Variants in ASTN2 observed in about 807,000 individuals in gnomAD.
ASTN2 encodes astrotactin-2.
In ASTN2, 54 loss-of-function variants were observed where a neutral mutation model predicts 139.8. The observed-to-expected ratio is 0.39, with a 90% CI of 0.31 to 0.48. The LOEUF (loss-of-function observed/expected upper bound fraction) is 0.48, where lower values mean the gene tolerates loss of function less well. Ranked by LOEUF, ASTN2 falls within the 20% of genes least tolerant of loss-of-function variation. The probability of loss-of-function intolerance (pLI) is 0.95; values close to 1 mark genes in which losing one functional copy is unlikely to be tolerated. For missense variants in ASTN2, 1,565 were observed against 1,725.1 expected (o/e 0.91, Z 1.64); for synonymous variants, 756 against 719.5 (o/e 1.05, Z -0.81).
intron 13 of ASTN2, among the ~76,000 whole-genome samples, chr9:116,791,467 A>G (rs1432358226): frequency 3.3e-5 from 5 of 152,190 alleles, no homozygotes; most frequent in Non-Finnish European, 7.3e-5. Context: ...CATACCTTAG[A>G]AGTGTTTATT....
chr9:117,127,916 G>C (rs1159547541), intron 4 of ASTN2, among the ~76,000 whole-genome samples: 1 of 151,836 alleles, frequency 6.6e-6, no homozygotes, highest in Non-Finnish European at 1.5e-5. Flanking sequence ...TCCTGACCTC[G>C]TGATCCACCC....
At chr9:117,016,269 C>G (rs181792492) in intron 6 of ASTN2, among the ~76,000 whole-genome samples, 115 of 152,108 alleles carry the variant, frequency 7.6e-4, no homozygotes, top group Non-Finnish European at 1.3e-3. Context: ...CTTTGTGACT[C>G]TCAACCTCTT....
chr9:116,464,651 A>C (rs1848597807), intron 20 of ASTN2, among the ~76,000 whole-genome samples: 2 of 152,194 alleles, frequency 1.3e-5, no homozygotes. Flanking sequence ...TGGGGGTAGA[A>C]TATGAGAAAC....
intron 19 of ASTN2, among the ~76,000 whole-genome samples, chr9:116,542,099 G>A (rs1294282701): frequency 6.6e-6 from 1 of 151,994 alleles, no homozygotes; most frequent in East Asian, 1.9e-4. Context: ...TTTGTAAAAT[G>A]TTTTCTGCAA....
In ASTN2 at chr9:116,623,081, G is replaced by A. The variant is rs530830310; in HGVS notation, c.3073-2638C>T. 2.6e-5 allele frequency among the ~76,000 whole-genome samples: 4 copies of A among 152,196 alleles called. No individual in the cohort carries two copies. In the East Asian group the frequency reaches 7.8e-4, roughly 30 times the overall value. ...ACATAACGGTGAAACCCAGGGCCAT[G>A]GGTGAAAGTGACACAGATGGGAAGG... On this transcript the variant is annotated intron_variant, in intron 17 of 22. Transcript: ENST00000313400.
chr9:116,779,292 G>T (rs1003161525), intron 13 of ASTN2, among the ~76,000 whole-genome samples: 1 of 152,014 alleles, frequency 6.6e-6, no homozygotes, highest in Non-Finnish European at 1.5e-5. Context: ...AGGGGGTTTG[G>T]TCCCTTTTTT....
intron 5 of ASTN2, among the ~76,000 whole-genome samples, chr9:117,074,096 A>G (rs1172789043): frequency 2.0e-5 from 3 of 151,580 alleles, no homozygotes; most frequent in African/African-American, 7.3e-5. Flanking sequence ...TATTGAGGAA[A>G]AAAAAAAAGA....
chr9:117,230,462 G>C (rs1260914152), intron 2 of ASTN2, among the ~76,000 whole-genome samples: 1 of 152,072 alleles, frequency 6.6e-6, no homozygotes, highest in Non-Finnish European at 1.5e-5. Context: ...CCACTCATTG[G>C]ATTTAGGGCC....
intron 11 of ASTN2, among the ~76,000 whole-genome samples, chr9:116,854,113 C>G (rs1832678806): frequency 6.6e-6 from 1 of 152,146 alleles, no homozygotes; most frequent in African/African-American, 2.4e-5. Context: ...AGCAAATTAC[C>G]TAAGTTTTCT....
chr9:116,725,861 C>A lies in ASTN2; in HGVS notation c.2716G>T (p.Ala906Ser). Reference protein sequence around the residue: ...FIQHYGSHYIAEALYGSELTC... With the variant: ...FIQHYGSHYISEALYGSELTC... ...AGCTCTGAGCCATAGAGGGCCTCTG[C>A]GATGTAGTGGGAGCCATAGTGCTGG... The change falls in exon 16 of 23, where the codon GCA becomes TCA. Residue 906 changes from alanine to serine, a missense_variant. This residue lies in a region of ASTN2 where 48 missense variants were observed against 90.7 expected (regional missense o/e 0.53). Coordinates refer to ENST00000313400, the MANE Select transcript of ASTN2 (RefSeq NM_001365068.1). 1 of 1,614,012 alleles carries A rather than the reference C, an allele frequency of 6.2e-7. No homozygotes were observed. The highest frequency in any genetic ancestry group is 8.5e-7 in the Non-Finnish European group (1 of 1,180,020).
intron 20 of ASTN2, among the ~76,000 whole-genome samples, chr9:116,475,947 C>T (rs1000275115): frequency 6.6e-6 from 1 of 152,196 alleles, no homozygotes; most frequent in African/African-American, 2.4e-5. Flanking sequence ...CACAGTCTGT[C>T]CTCTGTCCCA....
chr9:116,994,241 A>C (rs925433762), intron 7 of ASTN2, among the ~76,000 whole-genome samples: 8 of 152,182 alleles, frequency 5.3e-5, no homozygotes, highest in African/African-American at 1.4e-4. Context: ...AAAAGCTGTC[A>C]TGGGCAATAT....
At chr9:116,639,384 A>G (rs7852076) in intron 17 of ASTN2, among the ~76,000 whole-genome samples, 3,598 of 152,298 alleles carry the variant, frequency 0.024, 140 homozygotes, top group African/African-American at 0.082. Context: ...TAATGGTACA[A>G]ACTCATGCTG....
At chr9:117,029,971 A>G (rs7857377) in intron 6 of ASTN2, among the ~76,000 whole-genome samples, 60,072 of 151,852 alleles carry the variant, frequency 0.4, 12,213 homozygotes, top group Admixed American at 0.46. Flanking sequence ...TAAATGAATC[A>G]GCCCACTAAT....
At chr9:117,030,310 T>C (rs1449885110) in intron 6 of ASTN2, among the ~76,000 whole-genome samples, 1 of 152,210 alleles carries the variant, frequency 6.6e-6, no homozygotes, top group Non-Finnish European at 1.5e-5. Context: ...CAAAGTGGCC[T>C]TCTGTTCACA....
intron 6 of ASTN2, among the ~76,000 whole-genome samples, chr9:117,018,805 A>T (rs1343541039): frequency 6.6e-6 from 1 of 152,116 alleles, no homozygotes; most frequent in Non-Finnish European, 1.5e-5. Context: ...GCACATGGAA[A>T]ATGGGATTTT....
At chr9:117,330,132 C>G (rs975587885) in intron 1 of ASTN2, among the ~76,000 whole-genome samples, 5 of 152,160 alleles carry the variant, frequency 3.3e-5, no homozygotes, top group Non-Finnish European at 7.3e-5. Context: ...ATAAGGGAAG[C>G]TGATGGGGCT....
chr9:116,533,038 A>C (rs965679687), intron 19 of ASTN2, among the ~76,000 whole-genome samples: 1 of 152,110 alleles, frequency 6.6e-6, no homozygotes, highest in African/African-American at 2.4e-5. Context: ...TATCTCATTG[A>C]GCAGTGGTTT....
intron 20 of ASTN2, among the ~76,000 whole-genome samples, chr9:116,480,621 T>G (rs1257631415): frequency 6.6e-6 from 1 of 152,180 alleles, no homozygotes; most frequent in East Asian, 1.9e-4. Context: ...GCTTTGTGTG[T>G]CTGTGTGCAT....
Sources: gnomAD v4.1 joint callset for allele counts (sites outside exome capture counted in the v4.1 genomes callset) on GRCh38, gnomAD v4.1.1 for gene constraint, gnomAD v4.1.1 regional missense constraint, MANE v1.5 for transcripts, NCBI Gene and HGNC (gene_info 2026-07-23, HGNC 2026-07-21) for gene names.